NPAS3: variants seen among roughly 807,000 people sequenced by gnomAD.
NPAS3 encodes neuronal PAS domain protein 3, also known as neuronal PAS domain-containing protein 3.
A neutral mutation model predicts 73.1 loss-of-function variants in NPAS3; 14 were observed. That is an observed-to-expected ratio of 0.19 (90% confidence interval 0.13 to 0.30). The LOEUF is 0.30. Ranked by LOEUF, NPAS3 falls within the 10% of genes least tolerant of loss-of-function variation. The probability of loss-of-function intolerance (pLI) is 1.00; values close to 1 mark genes in which losing one functional copy is unlikely to be tolerated. For synonymous variants in NPAS3, 620 were observed against 541.5 expected, an observed-to-expected ratio of 1.14 and a Z score of -2.01; for missense variants, 1,096 against 1,250.0, an observed-to-expected ratio of 0.88 and a Z score of 1.86.
chr14:33,203,522 C>T (rs955102335), intron 2 of NPAS3, among the ~76,000 whole-genome samples: 7 of 152,048 alleles, frequency 4.6e-5, no homozygotes, highest in African/African-American at 1.7e-4. Flanking sequence ...CTTCCTGTGT[C>T]CAAGTGTTCT....
At chr14:33,283,888 T>A (rs1406362346) in intron 3 of NPAS3, among the ~76,000 whole-genome samples, 2 of 152,148 alleles carry the variant, frequency 1.3e-5, no homozygotes, top group African/African-American at 4.8e-5. Flanking sequence ...AACTAGTGTG[T>A]CTTTAAGTCA....
At chr14:33,373,225 C>T (rs2046169916) in intron 4 of NPAS3, among the ~76,000 whole-genome samples, 1 of 152,122 alleles carries the variant, frequency 6.6e-6, no homozygotes, top group Non-Finnish European at 1.5e-5. Flanking sequence ...CTAAATAATG[C>T]TTACATAATT....
chr14:33,707,438 A>G (rs2060688386), intron 6 of NPAS3, among the ~76,000 whole-genome samples: 1 of 152,148 alleles, frequency 6.6e-6, no homozygotes, highest in Non-Finnish European at 1.5e-5. Context: ...GATGTTGGAA[A>G]CTGCCTGAAG....
chr14:33,101,427 A>T (rs1482296946), intron 2 of NPAS3, among the ~76,000 whole-genome samples: 1 of 152,206 alleles, frequency 6.6e-6, no homozygotes, highest in Non-Finnish European at 1.5e-5. Flanking sequence ...AATAACTTGT[A>T]GTAAACCCTG....
chr14:33,303,533 T>C (rs2042636797), intron 3 of NPAS3, among the ~76,000 whole-genome samples: 1 of 152,202 alleles, frequency 6.6e-6, no homozygotes, highest in Admixed American at 6.5e-5. Flanking sequence ...AGTTCTTTCA[T>C]TTCTAGGTTA....
chr14:33,083,812 G>A (rs2041938456), intron 2 of NPAS3, among the ~76,000 whole-genome samples: 1 of 152,110 alleles, frequency 6.6e-6, no homozygotes, highest in Non-Finnish European at 1.5e-5. Flanking sequence ...CAGAGGCTCT[G>A]GGTAAGGATG....
rs3057435 is a variant in NPAS3, at chr14:33,077,774, G to GTTTTTTTTTTTTTTTTTTTTTTT, written c.140+21795_140+21796insTTTTTTTTTTTTTTTTTTTTTTT. Among the ~76,000 whole-genome samples the GTTTTTTTTTTTTTTTTTTTTTTT allele has an allele frequency of 2.7e-4, 24 of 87,482 alleles. 6 individuals are homozygous for GTTTTTTTTTTTTTTTTTTTTTTT. The highest frequency in any genetic ancestry group is 5.1e-4 in the South Asian group (1 of 1,950). The allele number at this position is 87,482 out of a possible 152,430, so 57.4% of individuals were successfully genotyped here. A position where few individuals can be genotyped will look rare whatever the true frequency, so the allele number is the denominator to read the frequency against. On this transcript the variant is annotated intron_variant, in intron 2 of 11. Coordinates refer to ENST00000356141, the Ensembl canonical transcript of NPAS3. ...CTTTGCTCAAAACATTGCAGTAAGG[G>GTTTTTTTTTTTTTTTTTTTTTTT]TTTTTTTTTTTTTTTGCCCCTTTTG... is the stretch of plus-strand genomic sequence containing the variant.
intron 1 of NPAS3, among the ~76,000 whole-genome samples, chr14:32,974,562 A>G (rs1449620660): frequency 6.6e-6 from 1 of 152,094 alleles, no homozygotes; most frequent in Admixed American, 6.5e-5. Flanking sequence ...TTTTTTTTCA[A>G]ATAATTAGAA....
Position 33,800,810 on chromosome 14 carries a change from G to T in NPAS3, c.2503G>T (p.Glu835Ter). ...GGGCACCATCCGCTACGCGCCCGCC[G>T]AGGTGACCCTGGCCATGCAGAGCAA... Residue 835 changes from glutamate (E) to a stop codon, truncating the protein, a stop_gained, in exon 12 of 12, where the codon GAG becomes TAG. Coordinates refer to ENST00000356141, the Ensembl canonical transcript of NPAS3. LOFTEE classifies it high-confidence loss of function. This position sits in a 1 kb window ranked among gnomAD's most constrained non-coding sequence, Gnocchi z 6.5. The T allele has an allele frequency of 6.3e-7, 1 of 1,599,408 alleles. No individual in the cohort carries two copies. Among genetic ancestry groups the T allele is most frequent in the East Asian group, 2.3e-5 (1 of 44,246 alleles).
chr14:33,479,523 C>T (rs1284446613), intron 4 of NPAS3, among the ~76,000 whole-genome samples: 1 of 152,104 alleles, frequency 6.6e-6, no homozygotes, highest in Non-Finnish European at 1.5e-5. Flanking sequence ...CAAGTTACCC[C>T]CAAAGGAATT....
At chr14:33,546,636 T>C (rs1306194225) in intron 4 of NPAS3, among the ~76,000 whole-genome samples, 1 of 152,162 alleles carries the variant, frequency 6.6e-6, no homozygotes, top group Non-Finnish European at 1.5e-5. Flanking sequence ...TATGTGATAG[T>C]TTTGAAAATT....
chr14:33,652,103 G>A (rs1426851845), intron 5 of NPAS3, among the ~76,000 whole-genome samples: 1 of 152,100 alleles, frequency 6.6e-6, no homozygotes, highest in African/African-American at 2.4e-5. Context: ...ACTTTTACTT[G>A]TATTAAATTT....
chr14:33,773,704 A>C (rs2062725787), intron 7 of NPAS3, among the ~76,000 whole-genome samples: 1 of 152,256 alleles, frequency 6.6e-6, no homozygotes, highest in Admixed American at 6.5e-5. Flanking sequence ...CTTTAGTATG[A>C]GCTCCAGGGA....
intron 4 of NPAS3, among the ~76,000 whole-genome samples, chr14:33,495,135 A>C (rs564973853): frequency 6.6e-6 from 1 of 152,148 alleles, no homozygotes; most frequent in South Asian, 2.1e-4. Context: ...TTCCCTCTAA[A>C]TACTGCTTTA....
chr14:33,348,248 C>T (rs2044843223), intron 3 of NPAS3, among the ~76,000 whole-genome samples: 1 of 152,146 alleles, frequency 6.6e-6, no homozygotes, highest in African/African-American at 2.4e-5. Flanking sequence ...AGAACCTGAA[C>T]TCTTCTTGTC....
At chr14:33,607,272 G>C (rs142383657) in intron 5 of NPAS3, among the ~76,000 whole-genome samples, 1 of 152,082 alleles carries the variant, frequency 6.6e-6, no homozygotes, top group Non-Finnish European at 1.5e-5. Flanking sequence ...CATTCCAGAC[G>C]TCCATTACTA....
At chr14:33,114,291 C>A (rs932467589) in intron 2 of NPAS3, among the ~76,000 whole-genome samples, 1 of 152,142 alleles carries the variant, frequency 6.6e-6, no homozygotes, top group Non-Finnish European at 1.5e-5. Context: ...CCCCTTTGGC[C>A]TCCCACATTG....
chr14:33,377,492 C>A (rs990186340), intron 4 of NPAS3, among the ~76,000 whole-genome samples: 5 of 152,202 alleles, frequency 3.3e-5, no homozygotes, highest in Admixed American at 2.6e-4. Context: ...GCACATTGCA[C>A]GAAATCCATC....
intron 4 of NPAS3, among the ~76,000 whole-genome samples, chr14:33,410,091 A>G (rs997650414): frequency 2.0e-5 from 3 of 152,120 alleles, no homozygotes; most frequent in Non-Finnish European, 4.4e-5. Flanking sequence ...TTGTAAACTT[A>G]TTTCATTAAT....
Sources: gnomAD v4.1 joint callset for allele counts (sites outside exome capture counted in the v4.1 genomes callset) on GRCh38, gnomAD v4.1.1 for gene constraint, Gnocchi (gnomAD v3.1) non-coding constraint, MANE v1.5 for transcripts, NCBI Gene and HGNC (gene_info 2026-07-23, HGNC 2026-07-21) for gene names.